Variants in MCMDC2 observed in about 807,000 individuals in gnomAD.
MCMDC2 encodes minichromosome maintenance domain containing 2.
A neutral mutation model predicts 75.8 loss-of-function variants in MCMDC2; 54 were observed. The ratio of observed to expected loss-of-function variants is 0.71; its 90% CI spans 0.57 to 0.89. The LOEUF is 0.89. Ranked by LOEUF, MCMDC2 falls within the 40% of genes least tolerant of loss-of-function variation. The probability of loss-of-function intolerance (pLI) is 0.00; values close to 1 mark genes in which losing one functional copy is unlikely to be tolerated. For missense variants in MCMDC2, 656 were observed against 780.4 expected (o/e 0.84, Z 1.90); for synonymous variants, 249 against 274.6 (o/e 0.91, Z 0.92).
At chr8:66,887,916 T>G (rs1405954451) in intron 9 of MCMDC2, among the ~76,000 whole-genome samples, 1 of 152,234 alleles carries the variant, frequency 6.6e-6, no homozygotes, top group Non-Finnish European at 1.5e-5. Flanking sequence ...TTGAACTCTC[T>G]TTTCTAATAC....
intron 14 of MCMDC2, among the ~76,000 whole-genome samples, chr8:66,906,327 T>C (rs1228374479): frequency 6.6e-6 from 1 of 152,198 alleles, no homozygotes; most frequent in Non-Finnish European, 1.5e-5. Flanking sequence ...TGCTGGTGAT[T>C]ACATTTGCTT....
chr8:66,899,201 G>A (rs1812505892), intron 12 of MCMDC2, among the ~76,000 whole-genome samples: 1 of 152,182 alleles, frequency 6.6e-6, no homozygotes, highest in Non-Finnish European at 1.5e-5. Flanking sequence ...AATACCTACG[G>A]ACTTTATAAT....
intron 14 of MCMDC2, among the ~76,000 whole-genome samples, chr8:66,906,501 T>G (rs1174910842): frequency 1.3e-5 from 2 of 152,186 alleles, no homozygotes; most frequent in Non-Finnish European, 2.9e-5. Context: ...GTATAGGGGC[T>G]TGCAAATCCC....
chr8:66,886,454 T>G (rs985312862), intron 9 of MCMDC2, among the ~76,000 whole-genome samples: 23 of 152,094 alleles, frequency 1.5e-4, no homozygotes, highest in African/African-American at 4.8e-4. Flanking sequence ...CATGAGCCAC[T>G]GTGCCTGGCC....
At chr8:66,898,751 G>A (rs947231884) in intron 12 of MCMDC2, among the ~76,000 whole-genome samples, 1 of 152,176 alleles carries the variant, frequency 6.6e-6, no homozygotes, top group Non-Finnish European at 1.5e-5. Context: ...GCAGAAGCTG[G>A]GAAAACTTCA....
chr8:66,890,888 T>A lies in MCMDC2; in HGVS notation c.1097T>A (p.Leu366His), dbSNP rs1812073269. 1.2e-6 allele frequency: 2 copies of A among 1,609,680 alleles called. No homozygotes were observed. The highest frequency in any genetic ancestry group is 1.7e-6 in the Non-Finnish European group (2 of 1,179,058). The stretch of plus-strand genomic sequence containing the variant: ...AGGCTTCTGAATTTTAGCATAAACC[T>A]TGTCCCCCGTGGTATACGTCATCTA... ...IDRLLNFSIN[L>H]VPRGIRHLVS... is the part of the protein sequence containing the mutation. The change falls in exon 10 of 15, where the codon CTT becomes CAT. Residue 366 changes from leucine (L) to histidine (H), a missense_variant. By Grantham distance (99) the Leu-to-His change is moderately conservative. Coordinates refer to ENST00000422365, the MANE Select transcript of MCMDC2 (RefSeq NM_173518.5).
intron 9 of MCMDC2, among the ~76,000 whole-genome samples, chr8:66,887,733 T>C (rs912847936): frequency 6.6e-6 from 1 of 152,162 alleles, no homozygotes; most frequent in Non-Finnish European, 1.5e-5. Context: ...CTCCCAGAGA[T>C]TGGTAGGAGG....
At position 66,896,297 on chromosome 8, in the gene MCMDC2, G is replaced by A. The variant is rs906595274; in HGVS notation, c.1407G>A (p.Arg469=). ...TTGTTGATGTGGATTCATCTTCAAG[G>A]AGAAATGCACAGAAAATCAACACTC... ...WSFVDVDSSS[R]RNAQKINTLI... The change falls in exon 11 of 15, where the codon AGG becomes AGA. Residue 469 remains arginine, a synonymous_variant. Coordinates refer to ENST00000422365, the MANE Select transcript of MCMDC2 (RefSeq NM_173518.5). 1.2e-6 allele frequency: 2 copies of A among 1,610,420 alleles called. No homozygotes were observed. Among genetic ancestry groups the A allele is most frequent in the Non-Finnish European group, 8.5e-7 (1 of 1,179,400 alleles).
At chr8:66,892,101 C>T (rs962161360) in intron 10 of MCMDC2, among the ~76,000 whole-genome samples, 15 of 152,214 alleles carry the variant, frequency 9.9e-5, no homozygotes, top group African/African-American at 3.6e-4. Context: ...TTCACTCCAG[C>T]CTGTGGCTCC....
chr8:66,913,486 C>T (rs543990017), intron 14 of MCMDC2, among the ~76,000 whole-genome samples: 55 of 152,192 alleles, frequency 3.6e-4, no homozygotes, highest in African/African-American at 1.3e-3. Flanking sequence ...GTTATATGTT[C>T]TCATAATATG....
chr8:66,882,882 G>T (rs1031787156), intron 8 of MCMDC2, among the ~76,000 whole-genome samples: 1 of 152,212 alleles, frequency 6.6e-6, no homozygotes. Context: ...AAAATTTATT[G>T]ATTTGGTAGC....
intron 4 of MCMDC2, among the ~76,000 whole-genome samples, chr8:66,876,564 C>A (rs1244269395): frequency 6.6e-6 from 1 of 151,966 alleles, no homozygotes; most frequent in African/African-American, 2.4e-5. Context: ...TTTGTTAGAC[C>A]ATACCCCAAG....
chr8:66,905,404 TAA>T, intron 14 of MCMDC2, 69 bp downstream of exon 14: 1 of 1,197,774 alleles, frequency 8.3e-7, no homozygotes, highest in Non-Finnish European at 1.1e-6. Flanking sequence ...CTTAGTTGGT[TAA>T]ATTAAAATGT....
chr8:66,892,958 T>G (rs536428465), intron 10 of MCMDC2, among the ~76,000 whole-genome samples: 1 of 152,374 alleles, frequency 6.6e-6, no homozygotes, highest in South Asian at 2.1e-4. Context: ...TTGTTGGATT[T>G]GATATGCTAT....
In MCMDC2 at chr8:66,896,190, A is replaced by G. The variant is rs775724366; in HGVS notation, c.1300A>G (p.Thr434Ala). 1.9e-6 allele frequency: 3 copies of G among 1,609,360 alleles called. No individual in the cohort carries two copies. Among genetic ancestry groups the G allele is most frequent in the Admixed American group, 3.4e-5 (2 of 58,196 alleles). Residue 434 changes from threonine to alanine, a missense_variant, in exon 11 of 15, where the codon ACA becomes GCA. Thr to Ala is a moderately conservative substitution (Grantham distance 58). Coordinates refer to ENST00000422365, the MANE Select transcript of MCMDC2 (RefSeq NM_173518.5). ...LQTVLESRSI[T>A]VYIPGKKFGE... ...CTTAGTTCTGGAGAGCAGAAGCATC[A>G]CAGTGTACATCCCAGGAAAGAAGTT...
intron 14 of MCMDC2, among the ~76,000 whole-genome samples, chr8:66,917,635 T>C (rs1270280651): frequency 6.6e-6 from 1 of 152,190 alleles, no homozygotes; most frequent in Non-Finnish European, 1.5e-5. Flanking sequence ...CTATTCTAGG[T>C]ACCTCATATA....
intron 12 of MCMDC2, 29 bp from the exon 13 acceptor site, chr8:66,901,177 G>A: frequency 6.5e-7 from 1 of 1,532,144 alleles, no homozygotes; most frequent in African/African-American, 1.4e-5. Context: ...AATAAAGCTT[G>A]ATTATCTTGG....
At chr8:66,907,270 C>T (rs918345439) in intron 14 of MCMDC2, among the ~76,000 whole-genome samples, 3 of 152,098 alleles carry the variant, frequency 2.0e-5, no homozygotes, top group African/African-American at 7.2e-5. Flanking sequence ...TGTTCCCCTC[C>T]CTGTGTCCGT....
At chr8:66,881,107 C>A in intron 8 of MCMDC2, 133 bp downstream of exon 8, 2 of 676,990 alleles carry the variant, frequency 3.0e-6, no homozygotes, top group Non-Finnish European at 2.1e-6. Context: ...ACAGGACAGT[C>A]AAGGTTTCTG....
Sources: allele counts gnomAD v4.1 joint callset (sites outside exome capture counted in the v4.1 genomes callset), GRCh38; gene constraint gnomAD v4.1.1; transcripts MANE v1.5; gene names NCBI Gene and HGNC (gene_info 2026-07-23, HGNC 2026-07-21).